MINDY4: variants seen among roughly 807,000 people sequenced by gnomAD.
The protein encoded by MINDY4 is probable ubiquitin carboxyl-terminal hydrolase MINDY-4.
Under a neutral mutation model 87.0 loss-of-function variants are expected in MINDY4, and 68 were observed. The ratio of observed to expected loss-of-function variants is 0.78; its 90% CI spans 0.64 to 0.96. The LOEUF is 0.96. Ranked by LOEUF, MINDY4 falls within the 40% of genes least tolerant of loss-of-function variation. The probability of loss-of-function intolerance (pLI) is 0.00; values close to 1 mark genes in which losing one functional copy is unlikely to be tolerated. For synonymous variants in MINDY4, 379 were observed against 363.2 expected (o/e 1.04, Z -0.50); for missense variants, 919 against 928.2 (o/e 0.99, Z 0.13).
At chr7:30,796,534 G>A (rs546083098) in intron 5 of MINDY4, among the ~76,000 whole-genome samples, 1 of 152,128 alleles carries the variant, frequency 6.6e-6, no homozygotes. Context: ...AAAGCAGGGT[G>A]GAATACATGC....
intron 2 of MINDY4, chr7:30,780,162 G>T (rs1322254420): frequency 1.3e-5 from 2 of 152,188 alleles, no homozygotes; most frequent in Non-Finnish European, 2.9e-5. Context: ...TCTGTCTCCT[G>T]TCCTGTAGCA....
chr7:30,866,385 C>G (rs1024376797), intron 13 of MINDY4, among the ~76,000 whole-genome samples: 3 of 152,210 alleles, frequency 2.0e-5, no homozygotes, highest in Non-Finnish European at 4.4e-5. Context: ...TTCCACCTGC[C>G]TCTTCCAGCT....
At chr7:30,877,432 G>C (rs1014148022) in intron 15 of MINDY4, among the ~76,000 whole-genome samples, 4 of 152,152 alleles carry the variant, frequency 2.6e-5, no homozygotes, top group Admixed American at 6.5e-5. Context: ...CTCCTCGTGG[G>C]CTTCTTGGAT....
At chr7:30,784,012 G>A (rs1210195011) in intron 3 of MINDY4, among the ~76,000 whole-genome samples, 1 of 152,076 alleles carries the variant, frequency 6.6e-6, no homozygotes, top group South Asian at 2.1e-4. Flanking sequence ...CCTGGGAATG[G>A]GTGCTTTCTT....
In MINDY4 at chr7:30,791,435, G is replaced by A; in HGVS notation, c.934G>A (p.Asp312Asn). The stretch of plus-strand genomic sequence containing the variant: ...GGCCAGGCCGAGGGATCCCTCCGAG[G>A]ACACCCCAGCAGTGGACGGCAGCAC... The part of the protein sequence containing the change: ...DRARPRDPSE[D>N]TPAVDGSTDT... The change falls in exon 5 of 18, where the codon GAC becomes AAC. Residue 312 changes from aspartate to asparagine, a missense_variant. Asp to Asn is a conservative substitution (Grantham distance 23). Transcript: ENST00000265299. The A allele has an allele frequency of 6.2e-7, 1 of 1,614,108 alleles. No homozygotes were observed.
rs139203164 is a variant in MINDY4, at chr7:30,815,827, G to A, written c.1074-12852G>A. On this transcript the variant is annotated intron_variant, in intron 5 of 17. Coordinates refer to ENST00000265299, the MANE Select transcript of MINDY4 (RefSeq NM_032222.3). ...CAGCCTGAGAGAAGGGCAGGGAGGT[G>A]TGAACTGGGAGGGCCACAAAGTCCT... Among the ~76,000 whole-genome samples, 401 of 152,322 alleles carry A rather than the reference G, an allele frequency of 2.6e-3. 2 individuals carry two copies. Among genetic ancestry groups the A allele is most frequent in the African/African-American group, 8.9e-3 (372 of 41,568 alleles).
chr7:30,797,716 C>T (rs1787532363), intron 5 of MINDY4, among the ~76,000 whole-genome samples: 1 of 152,116 alleles, frequency 6.6e-6, no homozygotes, highest in South Asian at 2.1e-4. Context: ...TGTGATCTCA[C>T]TTGTGTTTTA....
At chr7:30,802,054 G>A (rs1032235900) in intron 5 of MINDY4, among the ~76,000 whole-genome samples, 1 of 151,956 alleles carries the variant, frequency 6.6e-6, no homozygotes, top group Non-Finnish European at 1.5e-5. Flanking sequence ...TGGGCTCTGA[G>A]ATAATATTTG....
intron 12 of MINDY4, chr7:30,858,790 A>T (rs997154000): frequency 2.1e-4 from 74 of 357,716 alleles, no homozygotes; most frequent in Non-Finnish European, 1.8e-4. Flanking sequence ...GGGATCTGGA[A>T]TTAGAGATCC....
chr7:30,839,811 A>G (rs900195676), intron 8 of MINDY4, among the ~76,000 whole-genome samples: 3 of 152,278 alleles, frequency 2.0e-5, no homozygotes, highest in Admixed American at 6.5e-5. Flanking sequence ...CTTGAAGAGA[A>G]GGATGTAATA....
At chr7:30,816,764 T>C (rs1309661756) in intron 5 of MINDY4, among the ~76,000 whole-genome samples, 1 of 152,158 alleles carries the variant, frequency 6.6e-6, no homozygotes, top group Non-Finnish European at 1.5e-5. Context: ...TTGAGCTGAA[T>C]TGTTAAGGCA....
chr7:30,785,764 TG>T lies in MINDY4; in HGVS notation c.437del (p.Gly146GlufsTer30), dbSNP rs1422667256. The T allele has an allele frequency of 6.2e-7, 1 of 1,614,208 alleles. No homozygotes were observed. The highest frequency in any genetic ancestry group is 8.5e-7 in the Non-Finnish European group (1 of 1,180,028). ...TTTTTCACAGACATGACAATCTTGA[TG>T]GAGATGTACTTGGTAATTTTGTATC... ...TSKARHDNLD[G>X]DVLGNFVSSK... On this transcript the variant is annotated frameshift_variant, in exon 4 of 18. Coordinates refer to ENST00000265299, the MANE Select transcript of MINDY4 (RefSeq NM_032222.3). LOFTEE classifies it high-confidence loss of function.
At chr7:30,870,108 C>T (rs1012312106) in intron 13 of MINDY4, among the ~76,000 whole-genome samples, 1 of 152,208 alleles carries the variant, frequency 6.6e-6, no homozygotes, top group Non-Finnish European at 1.5e-5. Flanking sequence ...TCTCAGTGCA[C>T]TGCTGAATTT....
chr7:30,818,591 T>C (rs550400009), intron 5 of MINDY4, among the ~76,000 whole-genome samples: 1 of 152,320 alleles, frequency 6.6e-6, no homozygotes, highest in African/African-American at 2.4e-5. Context: ...ACTTTTAGTG[T>C]GTCAGTGAGA....
At chr7:30,810,160 G>GC (rs1298181704) in intron 5 of MINDY4, among the ~76,000 whole-genome samples, 1 of 108,680 alleles carries the variant, frequency 9.2e-6, no homozygotes, top group Admixed American at 1.3e-4. Context: ...GGGCGACAGA[G>GC]CAAGACTCTG....
chr7:30,878,709 C>T (rs1790364983), intron 15 of MINDY4, among the ~76,000 whole-genome samples: 1 of 152,186 alleles, frequency 6.6e-6, no homozygotes, highest in African/African-American at 2.4e-5. Context: ...TGTTCATTGC[C>T]ATCTTCATGA....
At chr7:30,819,084 C>T (rs1358127254) in intron 5 of MINDY4, among the ~76,000 whole-genome samples, 3 of 151,668 alleles carry the variant, frequency 2.0e-5, no homozygotes, top group Non-Finnish European at 4.4e-5. Context: ...ATTTATTTTT[C>T]CTCCTTCCTA....
intron 5 of MINDY4, among the ~76,000 whole-genome samples, chr7:30,812,749 C>G (rs1365295369): frequency 1.3e-5 from 2 of 151,972 alleles, no homozygotes; most frequent in Non-Finnish European, 2.9e-5. Flanking sequence ...TGATTCCCAC[C>G]CCCCTTTTCC....
At chr7:30,853,360 G>A (rs1300215305) in intron 11 of MINDY4, 34 bp from the exon 12 acceptor site, 3 of 1,583,524 alleles carry the variant, frequency 1.9e-6, no homozygotes, top group Non-Finnish European at 2.6e-6. Flanking sequence ...CGTGGGGCTT[G>A]GGCCACTCAT....
Sources: allele counts gnomAD v4.1 joint callset (sites outside exome capture counted in the v4.1 genomes callset), GRCh38; gene constraint gnomAD v4.1.1; transcripts MANE v1.5; gene names NCBI Gene and HGNC (gene_info 2026-07-23, HGNC 2026-07-21).